Variants in TMEM132D observed in about 807,000 individuals in gnomAD.
TMEM132D encodes the protein transmembrane protein 132D, also known as mature OL transmembrane protein.
In TMEM132D, 21 loss-of-function variants were observed where a neutral mutation model predicts 62.3. The observed-to-expected ratio is 0.34, with a 90% confidence interval of 0.24 to 0.49. The LOEUF (loss-of-function observed/expected upper bound fraction) is 0.49, where lower values mean the gene tolerates loss of function less well. Among genes scored for constraint, TMEM132D ranks in the 20% least tolerant of loss-of-function variants. The pLI, the probability that TMEM132D is intolerant of heterozygous loss-of-function variation, is 0.99. For missense variants in TMEM132D, 1,346 were observed against 1,402.8 expected, an observed-to-expected ratio of 0.96 and a Z score of 0.65; for synonymous variants, 621 against 575.6, an observed-to-expected ratio of 1.08 and a Z score of -1.13.
At chr12:129,368,322 CAT>C (rs1366206404) in intron 3 of TMEM132D, among the ~76,000 whole-genome samples, 2 of 152,114 alleles carry the variant, frequency 1.3e-5, no homozygotes, top group Non-Finnish European at 2.9e-5. Context: ...ACACCTTACA[CAT>C]ATGTCTGTAT....
chr12:129,102,104 T>G (rs1296806664), intron 5 of TMEM132D, among the ~76,000 whole-genome samples: 1 of 151,816 alleles, frequency 6.6e-6, no homozygotes, highest in Non-Finnish European at 1.5e-5. Flanking sequence ...GAGATGACCC[T>G]TGCCTGGGTA....
intron 4 of TMEM132D, among the ~76,000 whole-genome samples, chr12:129,285,852 T>A (rs184783545): frequency 9.4e-4 from 143 of 152,286 alleles, no homozygotes; most frequent in Non-Finnish European, 1.7e-3. Context: ...ACTTCCCCCA[T>A]CAGTCCATCA....
rs933709933 is a variant in TMEM132D at position 129,107,712 on chromosome 12, A to C, written c.1444-23010T>G. On this transcript the variant is annotated intron_variant, in intron 5 of 8. Transcript: ENST00000422113. ...TGACACAGAGCAGTTTTTTTGAGACAGTCTCACTCTGTCACCCAGGCTGAA... is the reference window on the plus strand; with the variant it reads ...TGACACAGAGCAGTTTTTTTGAGACCGTCTCACTCTGTCACCCAGGCTGAA... Among the ~76,000 whole-genome samples, 2 of 152,158 alleles carry C rather than the reference A, an allele frequency of 1.3e-5. 1 individual carries two copies. The highest frequency in any genetic ancestry group is 2.9e-5 in the Non-Finnish European group (2 of 68,030).
In TMEM132D at chr12:129,104,833, C is replaced by G. The variant is rs972027190; in HGVS notation, c.1444-20131G>C. Among the ~76,000 whole-genome samples the G allele has an allele frequency of 4.9e-4, 70 of 143,614 alleles. 1 individual carries two copies. The highest frequency in any genetic ancestry group is 2.2e-4 in the South Asian group (1 of 4,494). The allele number at this position is 143,614 out of a possible 152,430, so 94.2% of individuals were successfully genotyped here. On this transcript the variant is annotated intron_variant, in intron 5 of 8. Transcript: ENST00000422113. ...GCCATCAGAGAAATGCAAATCAAAA[C>G]CACAATGAGATACCATCTTACACCA...
At chr12:129,893,981 A>C (rs1216694433) in intron 1 of TMEM132D, among the ~76,000 whole-genome samples, 3 of 152,208 alleles carry the variant, frequency 2.0e-5, no homozygotes, top group Non-Finnish European at 4.4e-5. Flanking sequence ...AATGGGAAAG[A>C]AGCCTTCTCT....
intron 5 of TMEM132D, among the ~76,000 whole-genome samples, chr12:129,173,351 G>T (rs780587246): frequency 1.8e-4 from 28 of 152,158 alleles, no homozygotes; most frequent in Non-Finnish European, 1.3e-4. Flanking sequence ...GATATGATAC[G>T]TTGTACTCCC....
intron 4 of TMEM132D, among the ~76,000 whole-genome samples, chr12:129,216,968 A>AT (rs1027349666): frequency 2.6e-5 from 4 of 152,112 alleles, no homozygotes; most frequent in Admixed American, 1.3e-4. Flanking sequence ...AAATTGACTT[A>AT]TTTTTTTGTA....
intron 1 of TMEM132D, among the ~76,000 whole-genome samples, chr12:129,871,793 G>A (rs1426802872): frequency 6.6e-6 from 1 of 152,028 alleles, no homozygotes; most frequent in Non-Finnish European, 1.5e-5. Flanking sequence ...CCAGATCTAG[G>A]GTCAAAAACC....
At chr12:129,094,678 C>T (rs1313467159) in intron 5 of TMEM132D, among the ~76,000 whole-genome samples, 1 of 152,196 alleles carries the variant, frequency 6.6e-6, no homozygotes. Context: ...CATCCTATTA[C>T]TGGGTATATA....
At chr12:129,606,900 A>G (rs1374367940) in intron 2 of TMEM132D, among the ~76,000 whole-genome samples, 1 of 152,226 alleles carries the variant, frequency 6.6e-6, no homozygotes, top group Non-Finnish European at 1.5e-5. Flanking sequence ...GCATTTGCTC[A>G]TAGAACAGTG....
At chr12:129,451,273 G>A (rs1165992935) in intron 3 of TMEM132D, among the ~76,000 whole-genome samples, 2 of 152,170 alleles carry the variant, frequency 1.3e-5, no homozygotes, top group East Asian at 3.9e-4. Context: ...AAATCTGCCA[G>A]AATTTACCCA....
chr12:129,337,856 T>A, intron 3 of TMEM132D, 39 bp from the exon 4 acceptor site: 1 of 1,558,752 alleles, frequency 6.4e-7, no homozygotes, highest in Non-Finnish European at 8.7e-7. Context: ...TTTCAGGGAC[T>A]GATGAGGTAT....
At chr12:129,212,297 C>G (rs892926143) in intron 4 of TMEM132D, 2 of 152,206 alleles carry the variant, frequency 1.3e-5, no homozygotes, top group Admixed American at 1.3e-4. Flanking sequence ...GTGTTTCTGC[C>G]TACCAAGATC....
chr12:129,527,484 A>G (rs1325905397), intron 3 of TMEM132D, among the ~76,000 whole-genome samples: 1 of 152,252 alleles, frequency 6.6e-6, no homozygotes, highest in African/African-American at 2.4e-5. Context: ...TTAAAGAGAT[A>G]CTAGCCCTTA....
At chr12:129,453,271 G>A (rs1483929085) in intron 3 of TMEM132D, among the ~76,000 whole-genome samples, 1 of 152,168 alleles carries the variant, frequency 6.6e-6, no homozygotes, top group Non-Finnish European at 1.5e-5. Context: ...ATCTAAGAAG[G>A]CGTGCCTACT....
chr12:129,254,534 A>G (rs1273289137), intron 4 of TMEM132D, among the ~76,000 whole-genome samples: 1 of 152,164 alleles, frequency 6.6e-6, no homozygotes, highest in African/African-American at 2.4e-5. Context: ...AAATGGGGAT[A>G]AATATGAGTA....
chr12:129,887,944 C>T (rs924805898), intron 1 of TMEM132D, among the ~76,000 whole-genome samples: 2 of 152,110 alleles, frequency 1.3e-5, no homozygotes, highest in South Asian at 2.1e-4. Flanking sequence ...CATTTGTAAG[C>T]TGGGATTTTT....
At chr12:129,697,613 A>G (rs918031996) in intron 2 of TMEM132D, among the ~76,000 whole-genome samples, 1 of 152,226 alleles carries the variant, frequency 6.6e-6, no homozygotes, top group Non-Finnish European at 1.5e-5. Context: ...TGACATTTCT[A>G]ATTGATGGGC....
In TMEM132D at chr12:129,379,848, G is replaced by A. The variant is rs539809448; in HGVS notation, c.1116-42031C>T. Among the ~76,000 whole-genome samples the A allele has an allele frequency of 3.9e-5, 6 of 152,274 alleles. No individual in the cohort carries two copies. The South Asian group carries it at 1.2e-3, about 32-fold the overall frequency. On this transcript the variant is annotated intron_variant, in intron 3 of 8. Coordinates refer to ENST00000422113, the MANE Select transcript of TMEM132D (RefSeq NM_133448.3). ...TTTTCACAAAATGCTGCCTGTTGAG[G>A]TAAGAGGGCCACACTTTGGGAAATG... is the stretch of plus-strand genomic sequence containing the variant.
Sources: gnomAD v4.1 joint callset for allele counts (sites outside exome capture counted in the v4.1 genomes callset) on GRCh38, gnomAD v4.1.1 for gene constraint, MANE v1.5 for transcripts, NCBI Gene and HGNC (gene_info 2026-07-23, HGNC 2026-07-21) for gene names.